Variants in DAB1 observed in about 807,000 individuals in gnomAD.
DAB1 encodes the protein DAB adaptor protein 1, also known as disabled homolog 1.
Under a neutral mutation model 64.6 loss-of-function variants are expected in DAB1, and 15 were observed. The ratio of observed to expected loss-of-function variants is 0.23; its 90% CI spans 0.16 to 0.36. The LOEUF (loss-of-function observed/expected upper bound fraction) is 0.36. DAB1 is among the 10% of genes least tolerant of loss of function. DAB1 has a pLI of 1.00. For missense variants in DAB1, 596 were observed against 706.7 expected, an observed-to-expected ratio of 0.84 and a Z score of 1.78; for synonymous variants, 235 against 251.9, an observed-to-expected ratio of 0.93 and a Z score of 0.64.
At chr1:57,647,396 C>T (rs1334723588) in intron 7 of DAB1, among the ~76,000 whole-genome samples, 3 of 152,100 alleles carry the variant, frequency 2.0e-5, no homozygotes, top group African/African-American at 4.8e-5. Context: ...CTTGGGACTC[C>T]CCCGGAGGCG....
intron 5 of DAB1, among the ~76,000 whole-genome samples, chr1:57,961,083 G>C (rs1448712096): frequency 1.3e-5 from 2 of 152,174 alleles, no homozygotes; most frequent in Admixed American, 6.5e-5. Context: ...TCTTCACCTT[G>C]TTGCAAAGAT....
At chr1:57,789,383 T>C (rs1027205086) in intron 6 of DAB1, among the ~76,000 whole-genome samples, 2 of 152,152 alleles carry the variant, frequency 1.3e-5, no homozygotes, top group African/African-American at 4.8e-5. Context: ...CAGGCTGATA[T>C]AACAGAGTAC....
intron 2 of DAB1, among the ~76,000 whole-genome samples, chr1:57,285,357 C>T (rs1431787824): frequency 6.6e-6 from 1 of 152,202 alleles, no homozygotes; most frequent in African/African-American, 2.4e-5. Context: ...CAACCTCTGC[C>T]TCCCAGGTTC....
chr1:57,720,958 C>T (rs1647143244), intron 6 of DAB1, among the ~76,000 whole-genome samples: 1 of 152,196 alleles, frequency 6.6e-6, no homozygotes, highest in African/African-American at 2.4e-5. Flanking sequence ...TTAGCATATG[C>T]CATCTCCCTT....
intron 1 of DAB1, among the ~76,000 whole-genome samples, chr1:57,342,159 T>TCC (rs1426106722): frequency 6.6e-6 from 1 of 152,200 alleles, no homozygotes; most frequent in African/African-American, 2.4e-5. Flanking sequence ...TTCTCACCTT[T>TCC]TTGCCTTTGT....
chr1:58,200,555 AC>A (rs1244376201), intron 4 of DAB1, among the ~76,000 whole-genome samples: 11 of 152,198 alleles, frequency 7.2e-5, no homozygotes, highest in Admixed American at 6.5e-4. Context: ...AGGTAAGGAG[AC>A]AACAAGGCAG....
At chr1:58,275,710 C>T (rs12063876) in intron 4 of DAB1, among the ~76,000 whole-genome samples, 2 of 151,998 alleles carry the variant, frequency 1.3e-5, no homozygotes, top group Admixed American at 1.3e-4. Flanking sequence ...AGTTGAAAGC[C>T]TATGTACTCT....
At chr1:58,093,660 C>T (rs1650813153) in intron 5 of DAB1, among the ~76,000 whole-genome samples, 2 of 149,394 alleles carry the variant, frequency 1.3e-5, no homozygotes, top group South Asian at 4.2e-4. Context: ...AGGTTGGGGA[C>T]CACCAGTTTA....
intron 1 of DAB1, among the ~76,000 whole-genome samples, chr1:57,348,097 A>G (rs534922087): frequency 1.3e-5 from 2 of 152,324 alleles, no homozygotes; most frequent in African/African-American, 4.8e-5. Flanking sequence ...CAGGAATATA[A>G]ATTTACCTCG....
intron 1 of DAB1, among the ~76,000 whole-genome samples, chr1:57,330,579 T>C (rs184067251): frequency 1.6e-4 from 25 of 152,268 alleles, no homozygotes; most frequent in Admixed American, 4.6e-4. Flanking sequence ...GAATGTAGCA[T>C]AGAGGAGATG....
chr1:58,530,676 G>A (rs937884569), intron 1 of DAB1: 1 of 872,772 alleles, frequency 1.1e-6, no homozygotes, highest in South Asian at 1.3e-5. Flanking sequence ...AAATCATTGT[G>A]AGGAAAATCA....
intron 3 of DAB1, among the ~76,000 whole-genome samples, chr1:58,350,277 T>A (rs1478278709): frequency 6.6e-6 from 1 of 152,248 alleles, no homozygotes; most frequent in Non-Finnish European, 1.5e-5. Context: ...TCTGCTCATA[T>A]CCTCTGCACA....
chr1:58,057,061 T>C (rs72906515), intron 5 of DAB1, among the ~76,000 whole-genome samples: 10 of 152,172 alleles, frequency 6.6e-5, no homozygotes, highest in East Asian at 1.9e-4. Context: ...AGGACCCTAA[T>C]TGATGACACA....
At chr1:57,341,868 C>T (rs1479747175) in intron 1 of DAB1, among the ~76,000 whole-genome samples, 2 of 152,150 alleles carry the variant, frequency 1.3e-5, no homozygotes, top group East Asian at 1.9e-4. Flanking sequence ...ATAGACAGCA[C>T]GCTGTACAGT....
chr1:57,890,287 T>A (rs979894751), intron 5 of DAB1, among the ~76,000 whole-genome samples: 1 of 152,262 alleles, frequency 6.6e-6, no homozygotes. Flanking sequence ...AAAGTGTGGA[T>A]AATCAGGAAC....
chr1:57,301,548 A>C (rs1318261760), intron 1 of DAB1, among the ~76,000 whole-genome samples: 1 of 152,202 alleles, frequency 6.6e-6, no homozygotes, highest in African/African-American at 2.4e-5. Flanking sequence ...AGAAAAGACA[A>C]GTATTTAACA....
intron 4 of DAB1, among the ~76,000 whole-genome samples, chr1:58,338,337 C>T (rs1428616199): frequency 1.3e-5 from 2 of 152,184 alleles, no homozygotes; most frequent in Non-Finnish European, 2.9e-5. Context: ...CCTCACTCTT[C>T]CTCTTCTCTG....
intron 7 of DAB1, among the ~76,000 whole-genome samples, chr1:57,601,629 A>G (rs1645576924): frequency 6.6e-6 from 1 of 152,166 alleles, no homozygotes; most frequent in African/African-American, 2.4e-5. Context: ...AAAAATGAGG[A>G]TGTTAATAAT....
intron 7 of DAB1, among the ~76,000 whole-genome samples, chr1:57,581,282 G>T (rs1645308750): frequency 6.6e-6 from 1 of 152,196 alleles, no homozygotes; most frequent in African/African-American, 2.4e-5. Context: ...ACACTTCAGA[G>T]AAAAACTCTA....
Sources: allele counts gnomAD v4.1 joint callset (sites outside exome capture counted in the v4.1 genomes callset), GRCh38; gene constraint gnomAD v4.1.1; transcripts MANE v1.5; gene names NCBI Gene and HGNC (gene_info 2026-07-23, HGNC 2026-07-21).